Variants in TRPV4 observed in about 807,000 individuals in gnomAD.
TRPV4 encodes the protein transient receptor potential cation channel subfamily V member 4.
TRPV4 carries 58 observed loss-of-function variants against 84.1 expected under a neutral mutation model. That is an observed-to-expected ratio of 0.69 (90% CI 0.56 to 0.86). TRPV4 has a LOEUF of 0.86. Among genes scored for constraint, TRPV4 ranks in the 40% least tolerant of loss-of-function variants. The pLI is 0.00. For synonymous variants in TRPV4, 489 were observed against 500.9 expected, an observed-to-expected ratio of 0.98 and a Z score of 0.32; for missense variants, 879 against 1,181.1, an observed-to-expected ratio of 0.74 and a Z score of 3.75.
intron 1 of TRPV4, among the ~76,000 whole-genome samples, chr12:109,831,690 G>A (rs1303641061): frequency 6.6e-6 from 1 of 152,196 alleles, no homozygotes; most frequent in Non-Finnish European, 1.5e-5. Flanking sequence ...GTTTCACCTG[G>A]GGAATCCCAG....
At position 109,815,000 on chromosome 12, in the gene TRPV4, G is replaced by T. The variant is rs756796023; in HGVS notation, c.-31-173C>A. The T allele has an allele frequency of 1.6e-6, 1 of 631,090 alleles. No homozygotes were observed. Among genetic ancestry groups the T allele is most frequent in the African/African-American group, 1.8e-5 (1 of 54,434 alleles). 39.1% of individuals were successfully genotyped at this position (631,090 alleles called of 1,614,324 possible). A position where few individuals can be genotyped will look rare whatever the true frequency, so the allele number is the denominator to read the frequency against. ...ATGTGGTTGGCCGCCAGCCTCAGGC[G>T]GGAACTGCAACAGGAGCCTCTTTCA... On this transcript the variant is annotated intron_variant, in intron 1 of 15. Coordinates refer to ENST00000261740, the MANE Select transcript of TRPV4 (RefSeq NM_021625.5). The surrounding 1 kb of genome is among the most constrained non-coding windows in gnomAD (Gnocchi z 5.4).
chr12:109,802,719 G>C (rs1379975565), intron 4 of TRPV4, among the ~76,000 whole-genome samples: 2 of 151,754 alleles, frequency 1.3e-5, no homozygotes, highest in Non-Finnish European at 1.5e-5. Context: ...GCCTCCCAAA[G>C]TGCTGGGATT....
Position 109,808,405 on chromosome 12 carries a change from G to T in TRPV4, c.450C>A (p.Asn150Lys). 1 of 1,614,194 alleles carries T rather than the reference G, an allele frequency of 6.2e-7. No individual in the cohort carries two copies. ...PQPPPILKVFNRPILFDIVSR... is the reference protein window; with the variant it reads ...PQPPPILKVFKRPILFDIVSR... ...ACACGATGTCAAAGAGGATAGGCCG[G>T]TTGAAGACTTTGAGGATGGGGGGCG... Residue 150 changes from asparagine to lysine, a missense_variant, in exon 3 of 16, where the codon AAC becomes AAA. Around this residue, in one of 4 missense-constraint regions of TRPV4, gnomAD observed 521 missense variants for 686.6 expected, o/e 0.76. Coordinates refer to ENST00000261740, the MANE Select transcript of TRPV4 (RefSeq NM_021625.5).
At chr12:109,829,863 T>C (rs1892365110) in intron 1 of TRPV4, among the ~76,000 whole-genome samples, 1 of 152,258 alleles carries the variant, frequency 6.6e-6, no homozygotes, top group Non-Finnish European at 1.5e-5. Context: ...TCTCTTGCTC[T>C]GGACTGCAGT....
chr12:109,803,413 A>G (rs1262440766), intron 3 of TRPV4, among the ~76,000 whole-genome samples: 1 of 152,118 alleles, frequency 6.6e-6, no homozygotes, highest in Non-Finnish European at 1.5e-5. Context: ...TATTTAATTA[A>G]TCTTATTTGG....
At chr12:109,799,293 C>T (rs1370946534) in intron 5 of TRPV4, among the ~76,000 whole-genome samples, 3 of 151,992 alleles carry the variant, frequency 2.0e-5, no homozygotes, top group East Asian at 1.9e-4. Context: ...GGATTACAGG[C>T]GCACGCCACC....
In TRPV4 at chr12:109,798,871, G is replaced by C; in HGVS notation, c.895C>G (p.His299Asp). ...TTCTCCGTCAGGTAGTTGACAATGT[G>C]GGGCTGGTTGGTGCAGGCAGCCAGC... ...LSLAACTNQP[H>D]IVNYLTENPH... The change falls in exon 6 of 16, where the codon CAC (histidine) becomes GAC (aspartate). Residue 299 changes from histidine (H) to aspartate (D), a missense_variant. By Grantham distance (81) the His-to-Asp change is moderately conservative. Transcript: ENST00000261740. This position sits in a 1 kb window ranked among gnomAD's most constrained non-coding sequence, Gnocchi z 5.0. The C allele has an allele frequency of 6.2e-7, 1 of 1,613,572 alleles. No homozygotes were observed. The highest frequency in any genetic ancestry group is 8.5e-7 in the Non-Finnish European group (1 of 1,179,670).
At chr12:109,802,609 A>AT (rs1208198308) in intron 4 of TRPV4, among the ~76,000 whole-genome samples, 4 of 84,204 alleles carry the variant, frequency 4.8e-5, no homozygotes, top group South Asian at 6.9e-4. Context: ...GCCTTCTTTT[A>AT]TTTTATTTTT....
Position 109,783,484 on chromosome 12 carries a change from G to A in TRPV4, c.*137C>T. On this transcript the variant is annotated 3_prime_UTR_variant, in exon 16 of 16. Coordinates refer to ENST00000261740, the MANE Select transcript of TRPV4 (RefSeq NM_021625.5). This position sits in a 1 kb window ranked among gnomAD's most constrained non-coding sequence, Gnocchi z 4.6. The stretch of plus-strand genomic sequence containing the variant: ...AGAGCCAGGGGACCACAGGGTCCTG[G>A]GGCCTCCCTGGCACCTCCACTGGTC... 8.2e-7 allele frequency: 1 copy of A among 1,226,726 alleles called. No homozygotes were observed. The highest frequency in any genetic ancestry group is 2.5e-5 in the East Asian group (1 of 39,732). The allele number at this position is 1,226,726 out of a possible 1,614,324, so 76.0% of individuals were successfully genotyped here. A position where few individuals can be genotyped will look rare whatever the true frequency, so the allele number is the denominator to read the frequency against.
Position 109,786,818 on chromosome 12 carries a change from T to C in TRPV4, c.2228A>G (p.Asp743Gly). 1 of 1,613,900 alleles carries C rather than the reference T, an allele frequency of 6.2e-7. No homozygotes were observed. The highest frequency in any genetic ancestry group is 8.5e-7 in the Non-Finnish European group (1 of 1,179,974). The change falls in exon 14 of 16, where the codon GAC becomes GGC. Residue 743 changes from aspartate (D) to glycine (G), a missense_variant. Physicochemically the swap from Asp to Gly is moderately conservative, Grantham distance 94. Coordinates refer to ENST00000261740, the MANE Select transcript of TRPV4 (RefSeq NM_021625.5). This position sits in a 1 kb window ranked among gnomAD's most constrained non-coding sequence, Gnocchi z 4.5. ...GAATACGGGGAAGGAGCGCTCAATG[T>C]CCAGGATGGTGGTGGCCCACTGCGG... The part of the protein sequence containing the change: ...WKLQWATTIL[D>G]IERSFPVFLR...
At chr12:109,787,438 T>G (rs1227764866) in intron 13 of TRPV4, among the ~76,000 whole-genome samples, 1 of 151,960 alleles carries the variant, frequency 6.6e-6, no homozygotes, top group Non-Finnish European at 1.5e-5. Flanking sequence ...AACCCCATCT[T>G]TACAAAAAAT....
chr12:109,802,540 G>C (rs1890857172), intron 4 of TRPV4, among the ~76,000 whole-genome samples: 1 of 151,938 alleles, frequency 6.6e-6, no homozygotes, highest in South Asian at 2.1e-4. Flanking sequence ...GACCTCAAGT[G>C]ATCTGCCCAC....
intron 2 of TRPV4, among the ~76,000 whole-genome samples, chr12:109,811,756 C>T (rs193128745): frequency 5.3e-4 from 80 of 151,614 alleles, no homozygotes; most frequent in Admixed American, 1.3e-4. Flanking sequence ...GAAGGTGAAT[C>T]GGCTCCATCC....
rs940749972 is a variant in TRPV4, at chr12:109,808,283, C to G, written c.559+13G>C. 1.9e-6 allele frequency: 3 copies of G among 1,614,018 alleles called. No individual in the cohort carries two copies. The East Asian group carries it at 6.7e-5, about 36-fold the overall frequency. ...TGGCTGTCCCACTGGCTATGCCCATCTGGGTGGCTCACCTCGAAACTCCTC... is the reference window on the plus strand; with the variant it reads ...TGGCTGTCCCACTGGCTATGCCCATGTGGGTGGCTCACCTCGAAACTCCTC... On this transcript the variant is annotated intron_variant, in intron 3 of 15. Coordinates refer to ENST00000261740, the MANE Select transcript of TRPV4 (RefSeq NM_021625.5).
intron 12 of TRPV4, among the ~76,000 whole-genome samples, chr12:109,791,892 G>C (rs976886025): frequency 1.3e-5 from 2 of 151,998 alleles, no homozygotes; most frequent in African/African-American, 4.8e-5. Context: ...GGCTTGTTGG[G>C]AGGCAAGGAT....
At chr12:109,795,077 C>A (rs1410857433) in intron 7 of TRPV4, among the ~76,000 whole-genome samples, 1 of 152,170 alleles carries the variant, frequency 6.6e-6, no homozygotes, top group East Asian at 1.9e-4. Context: ...GTGGATAGTA[C>A]CAAGCTGCTG....
intron 2 of TRPV4, among the ~76,000 whole-genome samples, chr12:109,813,995 A>G (rs111205050): frequency 0.024 from 3,581 of 151,984 alleles, 148 homozygotes; most frequent in African/African-American, 0.082. Context: ...TGGATGATGG[A>G]TGGTTGGATA....
chr12:109,805,794 T>C (rs1018818637), intron 3 of TRPV4, among the ~76,000 whole-genome samples: 2 of 152,098 alleles, frequency 1.3e-5, no homozygotes. Flanking sequence ...CCAAAGCCTA[T>C]CTTAGAGTCC....
chr12:109,808,603 G>A, intron 2 of TRPV4, 135 bp from the exon 3 acceptor site: 2 of 770,620 alleles, frequency 2.6e-6, no homozygotes, highest in Admixed American at 2.9e-5. Context: ...TGAGGTAGTT[G>A]GGGCAGATGT....
Sources: gnomAD v4.1 joint callset for allele counts (sites outside exome capture counted in the v4.1 genomes callset) on GRCh38, gnomAD v4.1.1 for gene constraint, gnomAD v4.1.1 regional missense constraint, Gnocchi (gnomAD v3.1) non-coding constraint, MANE v1.5 for transcripts, NCBI Gene and HGNC (gene_info 2026-07-23, HGNC 2026-07-21) for gene names.